Variants in AK5 observed in about 807,000 individuals in gnomAD.
AK5 encodes adenylate kinase 5, also known as adenylate kinase isoenzyme 5.
Under a neutral mutation model 69.5 loss-of-function variants are expected in AK5, and 27 were observed. The observed-to-expected ratio is 0.39, with a 90% CI of 0.29 to 0.54. The LOEUF (loss-of-function observed/expected upper bound fraction) is 0.54. Ranked by LOEUF, AK5 falls within the 20% of genes least tolerant of loss-of-function variation. AK5 has a pLI of 0.71. For synonymous variants in AK5, 260 were observed against 244.4 expected, an observed-to-expected ratio of 1.06 and a Z score of -0.60; for missense variants, 531 against 700.4, an observed-to-expected ratio of 0.76 and a Z score of 2.73.
intron 6 of AK5, among the ~76,000 whole-genome samples, chr1:77,367,530 T>A (rs112433218): frequency 0.089 from 8,459 of 95,456 alleles, 575 homozygotes; most frequent in East Asian, 0.21. Flanking sequence ...GTTTTCCCTA[T>A]GTTGCCCAGA....
Position 77,446,141 on chromosome 1 carries a change from T to C in AK5, c.1059+28426T>C, listed in dbSNP as rs542398405. 8.5e-5 allele frequency among the ~76,000 whole-genome samples: 13 copies of C among 152,350 alleles called. No individual in the cohort carries two copies. In the South Asian group the frequency reaches 2.7e-3, roughly 32 times the overall value. On this transcript the variant is annotated intron_variant, in intron 8 of 13. Transcript: ENST00000354567. ...AAATAAGAGTCCAATTTCACTCTTT[T>C]GCAAGTGGAAATCTAGCTTCCCTAG...
chr1:77,349,544 A>G (rs1480693028), intron 6 of AK5: 1 of 152,218 alleles, frequency 6.6e-6, no homozygotes, highest in East Asian at 1.9e-4. Context: ...GGCACTTGTC[A>G]TTTGACAGGC....
chr1:77,499,069 T>C (rs948483300), intron 10 of AK5, among the ~76,000 whole-genome samples: 10 of 152,358 alleles, frequency 6.6e-5, no homozygotes, highest in Admixed American at 6.5e-4. Context: ...GAGACCATTT[T>C]ACCATAGGAG....
chr1:77,344,060 A>G (rs1661792974), intron 6 of AK5, among the ~76,000 whole-genome samples: 1 of 152,212 alleles, frequency 6.6e-6, no homozygotes, highest in South Asian at 2.1e-4. Flanking sequence ...GCTGTGTCTG[A>G]ATAGTAACAG....
intron 13 of AK5, among the ~76,000 whole-genome samples, chr1:77,536,468 C>G (rs1290941636): frequency 6.6e-6 from 1 of 152,170 alleles, no homozygotes; most frequent in Non-Finnish European, 1.5e-5. Flanking sequence ...AAAACAACAA[C>G]AAGAATTTGG....
intron 5 of AK5, among the ~76,000 whole-genome samples, chr1:77,313,527 T>A (rs1316472989): frequency 2.0e-5 from 3 of 152,110 alleles, no homozygotes; most frequent in African/African-American, 7.3e-5. Context: ...GTGTGTAGTG[T>A]CTGTTGTTAG....
chr1:77,438,176 T>C (rs1383393515), intron 8 of AK5, among the ~76,000 whole-genome samples: 1 of 151,258 alleles, frequency 6.6e-6, no homozygotes, highest in African/African-American at 2.4e-5. Context: ...CAAAATTAGG[T>C]TATTTTAATA....
At chr1:77,297,461 GT>G in intron 3 of AK5, 97 bp from the exon 4 acceptor site, 3 of 1,158,108 alleles carry the variant, frequency 2.6e-6, no homozygotes, top group Non-Finnish European at 3.7e-6. Context: ...CCCTGTCTTG[GT>G]GACACAGAAT....
chr1:77,324,303 A>G lies in AK5; in HGVS notation c.700-16074A>G, dbSNP rs1660677066. 1.1e-4 allele frequency among the ~76,000 whole-genome samples: 4 copies of G among 34,798 alleles called. No individual in the cohort carries two copies. In the South Asian group the frequency reaches 9.3e-3, roughly 81 times the overall value. The allele number at this position is 34,798 out of a possible 152,430, so 22.8% of individuals were successfully genotyped here. A position where few individuals can be genotyped will look rare whatever the true frequency, so the allele number is the denominator to read the frequency against. On this transcript the variant is annotated intron_variant, in intron 5 of 13. Coordinates refer to ENST00000354567, the MANE Select transcript of AK5 (RefSeq NM_174858.3). ...AATTAAGTGTGGAACATATTAAAAA[A>G]AAGTTCACCATTTGCGTGTGTGTGT...
chr1:77,355,906 T>C (rs971157145), intron 6 of AK5, among the ~76,000 whole-genome samples: 55 of 146,128 alleles, frequency 3.8e-4, no homozygotes, highest in African/African-American at 1.3e-3. Context: ...CACACACACA[T>C]ATATATATAC....
chr1:77,520,607 T>A (rs1657926216), intron 11 of AK5, among the ~76,000 whole-genome samples: 1 of 152,006 alleles, frequency 6.6e-6, no homozygotes, highest in Admixed American at 6.6e-5. Flanking sequence ...TCACATAGTT[T>A]GGTCCTTGAC....
chr1:77,547,051 C>T (rs1659576395), intron 13 of AK5, among the ~76,000 whole-genome samples: 1 of 152,140 alleles, frequency 6.6e-6, no homozygotes, highest in African/African-American at 2.4e-5. Flanking sequence ...GCTTTGAATC[C>T]ATTCATTTAT....
intron 10 of AK5, among the ~76,000 whole-genome samples, chr1:77,497,031 G>A (rs1293154910): frequency 1.3e-5 from 2 of 152,224 alleles, no homozygotes; most frequent in Non-Finnish European, 2.9e-5. Context: ...CCATGCTGTG[G>A]AAGCTTTGTT....
intron 13 of AK5, among the ~76,000 whole-genome samples, chr1:77,547,343 A>C (rs1659596616): frequency 7.5e-6 from 1 of 132,834 alleles, no homozygotes; most frequent in Admixed American, 9.7e-5. Flanking sequence ...GCACGATCTC[A>C]GCTCACTGCA....
chr1:77,418,488 A>G (rs1650576495), intron 8 of AK5, among the ~76,000 whole-genome samples: 1 of 152,212 alleles, frequency 6.6e-6, no homozygotes, highest in African/African-American at 2.4e-5. Context: ...CGAGGAAAGC[A>G]TAGCCAAGAA....
intron 8 of AK5, among the ~76,000 whole-genome samples, chr1:77,441,417 AC>A (rs1156655548): frequency 6.6e-6 from 1 of 152,076 alleles, no homozygotes; most frequent in Non-Finnish European, 1.5e-5. Context: ...TGGAACAATC[AC>A]CTCTTCCAAA....
chr1:77,390,664 T>C lies in AK5; in HGVS notation c.892-20317T>C, dbSNP rs537811375. ...AAAGTAGAAAGGATTTTATTTCAAC[T>C]TTGGAAGAACATAGGAAATAAAAGC... is the stretch of plus-strand genomic sequence containing the variant. On this transcript the variant is annotated intron_variant, in intron 6 of 13. Coordinates refer to ENST00000354567, the MANE Select transcript of AK5 (RefSeq NM_174858.3). Among the ~76,000 whole-genome samples the C allele has an allele frequency of 2.0e-5, 3 of 152,336 alleles. No homozygotes were observed. In the East Asian group the frequency reaches 5.8e-4, roughly 29 times the overall value.
intron 8 of AK5, among the ~76,000 whole-genome samples, chr1:77,474,580 G>T (rs926938540): frequency 6.6e-6 from 1 of 152,186 alleles, no homozygotes; most frequent in Non-Finnish European, 1.5e-5. Context: ...TGCAGGGAAA[G>T]CATTAATTAG....
chr1:77,384,685 G>A (rs1185804167), intron 6 of AK5, among the ~76,000 whole-genome samples: 2 of 152,184 alleles, frequency 1.3e-5, no homozygotes, highest in African/African-American at 2.4e-5. Context: ...ACACCTTTCT[G>A]AACTAATCCA....
Sources: gnomAD v4.1 joint callset for allele counts (sites outside exome capture counted in the v4.1 genomes callset) on GRCh38, gnomAD v4.1.1 for gene constraint, MANE v1.5 for transcripts, NCBI Gene and HGNC (gene_info 2026-07-23, HGNC 2026-07-21) for gene names.